ARHGEF3: variants seen among roughly 807,000 people sequenced by gnomAD.
The protein encoded by ARHGEF3 is 59.8 kDA protein.
ARHGEF3 carries 28 observed loss-of-function variants against 63.2 expected under a neutral mutation model. That is an observed-to-expected ratio of 0.44 (90% CI 0.33 to 0.61). ARHGEF3 has a LOEUF of 0.61. Among genes scored for constraint, ARHGEF3 ranks in the 20% least tolerant of loss-of-function variants. The pLI, the probability that ARHGEF3 is intolerant of heterozygous loss-of-function variation, is 0.03. For synonymous variants in ARHGEF3, 266 were observed against 254.2 expected (o/e 1.05, Z -0.44); for missense variants, 533 against 659.3 (o/e 0.81, Z 2.10).
chr3:56,848,701 T>C (rs536132599), intron 4 of ARHGEF3, among the ~76,000 whole-genome samples: 1 of 152,300 alleles, frequency 6.6e-6, no homozygotes, highest in East Asian at 1.9e-4. Context: ...AGTCTTGCTC[T>C]TGTTGTCCAG....
chr3:56,820,665 G>C lies in ARHGEF3; in HGVS notation c.193-46849C>G, dbSNP rs540048708. The stretch of plus-strand genomic sequence containing the variant: ...AAAAAAGAAGGAAACAAAGGAATGA[G>C]TGGACCATGTTGGGATACTGATTCA... On this transcript the variant is annotated intron_variant, in intron 4 of 12. Coordinates refer to the ARHGEF3 transcript ENST00000338458. Among the ~76,000 whole-genome samples the C allele has an allele frequency of 7.8e-4, 118 of 152,134 alleles. 1 individual carries two copies. Among genetic ancestry groups the C allele is most frequent in the African/African-American group, 2.7e-3 (114 of 41,512 alleles).
At chr3:56,820,650 G>C (rs2038452548) in intron 4 of ARHGEF3, among the ~76,000 whole-genome samples, 1 of 151,570 alleles carries the variant, frequency 6.6e-6, no homozygotes, top group Admixed American at 6.6e-5. Flanking sequence ...AAAAAAGAAG[G>C]AAACAAAGGA....
At chr3:56,862,388 T>C (rs560302065) in intron 4 of ARHGEF3, among the ~76,000 whole-genome samples, 2 of 152,352 alleles carry the variant, frequency 1.3e-5, no homozygotes, top group East Asian at 3.9e-4. Flanking sequence ...GAATCCCTGC[T>C]CTTGTTCCAA....
intron 2 of ARHGEF3, among the ~76,000 whole-genome samples, chr3:56,756,545 CTTTTTT>C (rs35251607): frequency 2.0e-5 from 2 of 100,072 alleles, no homozygotes; most frequent in African/African-American, 3.8e-5. Flanking sequence ...TCATAGCTGG[CTTTTTT>C]TTTTTTTTTT....
chr3:57,059,761 C>G (rs1179443784), intron 1 of ARHGEF3, among the ~76,000 whole-genome samples: 1 of 152,038 alleles, frequency 6.6e-6, no homozygotes, highest in Non-Finnish European at 1.5e-5. Flanking sequence ...CTTTGGGAGG[C>G]CAAGTTGGGC....
chr3:57,065,216 C>A (rs765919995), intron 1 of ARHGEF3, among the ~76,000 whole-genome samples: 1 of 152,212 alleles, frequency 6.6e-6, no homozygotes, highest in Non-Finnish European at 1.5e-5. Flanking sequence ...AATCCCAGCA[C>A]TTCGGGAGGC....
intron 1 of ARHGEF3, among the ~76,000 whole-genome samples, chr3:56,800,386 G>C (rs1158841261): frequency 6.6e-6 from 1 of 152,138 alleles, no homozygotes; most frequent in Non-Finnish European, 1.5e-5. Context: ...ATGCCACTAG[G>C]GCCATCACAC....
intron 3 of ARHGEF3, among the ~76,000 whole-genome samples, chr3:56,902,647 G>A (rs901803787): frequency 8.5e-5 from 13 of 152,188 alleles, no homozygotes; most frequent in South Asian, 2.1e-4. Flanking sequence ...GCACTGAAGC[G>A]GGCACATGGC....
chr3:56,815,874 C>G (rs1388261029), intron 4 of ARHGEF3, among the ~76,000 whole-genome samples: 1 of 152,172 alleles, frequency 6.6e-6, no homozygotes, highest in Non-Finnish European at 1.5e-5. Context: ...GGGTGGGCTG[C>G]TTGCATCTAA....
chr3:57,066,754 C>A (rs1705561621), intron 1 of ARHGEF3, among the ~76,000 whole-genome samples: 1 of 152,204 alleles, frequency 6.6e-6, no homozygotes, highest in Admixed American at 6.5e-5. Context: ...GCAGATTATT[C>A]TCCATGATGT....
chr3:57,066,338 C>T (rs982423928), intron 1 of ARHGEF3, among the ~76,000 whole-genome samples: 4 of 151,934 alleles, frequency 2.6e-5, no homozygotes, highest in Admixed American at 6.6e-5. Context: ...CTTGGCTCAC[C>T]GCAACCTCCG....
At chr3:57,006,704 AAC>A (rs1702482244) in intron 2 of ARHGEF3, among the ~76,000 whole-genome samples, 2 of 152,120 alleles carry the variant, frequency 1.3e-5, no homozygotes, top group Non-Finnish European at 2.9e-5. Flanking sequence ...CAACATCACC[AAC>A]ACAGTCACTC....
intron 3 of ARHGEF3, among the ~76,000 whole-genome samples, chr3:56,902,332 G>A (rs996901076): frequency 3.9e-5 from 6 of 152,208 alleles, no homozygotes; most frequent in African/African-American, 9.6e-5. Flanking sequence ...GTGTGTGCGC[G>A]CGTGTGTGGA....
intron 1 of ARHGEF3, among the ~76,000 whole-genome samples, chr3:56,791,732 C>T (rs936276799): frequency 3.3e-5 from 5 of 151,794 alleles, no homozygotes; most frequent in Non-Finnish European, 7.4e-5. Flanking sequence ...ACATTTGGGC[C>T]CTGCCTCCTA....
intron 4 of ARHGEF3, among the ~76,000 whole-genome samples, chr3:56,809,975 C>T (rs2038007166): frequency 6.6e-6 from 1 of 152,088 alleles, no homozygotes; most frequent in South Asian, 2.1e-4. Context: ...TCATGTCATC[C>T]ACCTGCCTCG....
At chr3:57,006,788 A>G (rs570378918) in intron 2 of ARHGEF3, among the ~76,000 whole-genome samples, 233 of 152,226 alleles carry the variant, frequency 1.5e-3, no homozygotes, top group African/African-American at 5.4e-3. Flanking sequence ...CTGGAAATCC[A>G]TCTCCATCAG....
chr3:56,772,230 G>C (rs2036045833), intron 2 of ARHGEF3, among the ~76,000 whole-genome samples: 1 of 152,184 alleles, frequency 6.6e-6, no homozygotes, highest in Non-Finnish European at 1.5e-5. Context: ...AGTTAACAGA[G>C]GAACGGGCAG....
intron 2 of ARHGEF3, among the ~76,000 whole-genome samples, chr3:57,022,136 C>T (rs61188942): frequency 0.012 from 1,867 of 152,020 alleles, 43 homozygotes; most frequent in African/African-American, 0.043. Flanking sequence ...TAGCCGGGCA[C>T]GGTGGCATGT....
intron 4 of ARHGEF3, among the ~76,000 whole-genome samples, chr3:56,875,565 C>G (rs2108236823): frequency 6.6e-6 from 1 of 152,310 alleles, no homozygotes; most frequent in African/African-American, 2.4e-5. Context: ...GCCTTCTGTA[C>G]CCGAGTGATT....
Sources: gnomAD v4.1 joint callset for allele counts (sites outside exome capture counted in the v4.1 genomes callset) on GRCh38, gnomAD v4.1.1 for gene constraint, MANE v1.5 for transcripts, NCBI Gene and HGNC (gene_info 2026-07-23, HGNC 2026-07-21) for gene names.